SMARCA2: variants seen among roughly 807,000 people sequenced by gnomAD.
SMARCA2 encodes the protein SWI/SNF related BAF chromatin remodeling complex subunit ATPase 2.
Under a neutral mutation model 199.8 loss-of-function variants are expected in SMARCA2, and 61 were observed. The ratio of observed to expected loss-of-function variants is 0.31; its 90% confidence interval spans 0.25 to 0.38. The LOEUF is 0.38. Ranked by LOEUF, SMARCA2 falls within the 10% of genes least tolerant of loss-of-function variation. The pLI is 1.00. For missense variants in SMARCA2, 1,344 were observed against 2,012.2 expected, an observed-to-expected ratio of 0.67 and a Z score of 6.35; for synonymous variants, 935 against 732.0, an observed-to-expected ratio of 1.28 and a Z score of -4.48.
intron 27 of SMARCA2, among the ~76,000 whole-genome samples, chr9:2,152,061 G>T (rs1463438479): frequency 1.3e-5 from 2 of 152,196 alleles, no homozygotes; most frequent in Non-Finnish European, 2.9e-5. Flanking sequence ...TTGACTGCCA[G>T]TAAAGACTGG....
intron 27 of SMARCA2, among the ~76,000 whole-genome samples, chr9:2,151,814 C>A (rs1009827679): frequency 6.6e-6 from 1 of 151,906 alleles, no homozygotes; most frequent in Non-Finnish European, 1.5e-5. Flanking sequence ...ACAGTAAAGT[C>A]ATCTCAATAT....
rs547222773 is a variant in SMARCA2 at position 2,019,450 on chromosome 9, A to C, written c.-37+4046A>C. On this transcript the variant is annotated intron_variant, in intron 1 of 33. Transcript: ENST00000349721. ...AGTGGTTTTTGAGCATTTCTCGTCA[A>C]GTTTCTTGAAAAGTGCTTTGACCAA... 4.6e-5 allele frequency among the ~76,000 whole-genome samples: 7 copies of C among 151,372 alleles called. No individual in the cohort carries two copies. The East Asian group carries it at 1.4e-3, about 29-fold the overall frequency.
At chr9:2,163,234 A>G (rs1476077071) in intron 28 of SMARCA2, among the ~76,000 whole-genome samples, 1 of 152,132 alleles carries the variant, frequency 6.6e-6, no homozygotes, top group Admixed American at 6.5e-5. Flanking sequence ...TTCTTGCTCC[A>G]TTTTGCCCAC....
intron 29 of SMARCA2, among the ~76,000 whole-genome samples, chr9:2,177,188 A>C (rs960077657): frequency 6.6e-6 from 1 of 152,190 alleles, no homozygotes; most frequent in Non-Finnish European, 1.5e-5. Context: ...CACTTCACCT[A>C]CTGCCCTGCA....
At chr9:2,131,899 A>G (rs981062659) in intron 27 of SMARCA2, among the ~76,000 whole-genome samples, 2 of 149,524 alleles carry the variant, frequency 1.3e-5, no homozygotes, top group Non-Finnish European at 3.0e-5. Flanking sequence ...AGATCACACC[A>G]CTGCACTGCA....
Position 2,123,686 on chromosome 9 carries a change from G to C in SMARCA2, c.3763-33G>C. 1.3e-6 allele frequency: 2 copies of C among 1,596,348 alleles called. No individual in the cohort carries two copies. Among genetic ancestry groups the C allele is most frequent in the Non-Finnish European group, 1.7e-6 (2 of 1,165,298 alleles). On this transcript the variant is annotated intron_variant, in intron 26 of 33. Coordinates refer to ENST00000349721, the MANE Select transcript of SMARCA2 (RefSeq NM_003070.5). The surrounding 1 kb of genome is among the most constrained non-coding windows in gnomAD (Gnocchi z 4.1). ...GAAGTCTGCACCATACAGAAGCCCT[G>C]ACTTTCGGTGACCCTCTTATTAATG...
rs922113870 is a variant in SMARCA2 at position 2,169,629 on chromosome 9, G to C, written c.4200-790G>C. 1.3e-5 allele frequency among the ~76,000 whole-genome samples: 2 copies of C among 152,114 alleles called. No homozygotes were observed. Among genetic ancestry groups the C allele is most frequent in the Non-Finnish European group, 1.5e-5 (1 of 68,018 alleles). On this transcript the variant is annotated intron_variant, in intron 28 of 33. Coordinates refer to ENST00000349721, the MANE Select transcript of SMARCA2 (RefSeq NM_003070.5). The surrounding 1 kb of genome is among the most constrained non-coding windows in gnomAD (Gnocchi z 6.5). Reference sequence around the variant, plus strand: ...CGAGAAGGGATTTATACATGGACAGGCACAGGCTGTGAATCCCAAAGGGTG... The same window carrying C: ...CGAGAAGGGATTTATACATGGACAGCCACAGGCTGTGAATCCCAAAGGGTG...
intron 4 of SMARCA2, chr9:2,043,697 G>A (rs907034081): frequency 1.3e-5 from 2 of 152,142 alleles, no homozygotes; most frequent in Admixed American, 1.3e-4. Context: ...CTAAGTGGGA[G>A]CACTGAATGC....
chr9:2,171,634 A>G (rs1344382361), intron 29 of SMARCA2, among the ~76,000 whole-genome samples: 2 of 152,234 alleles, frequency 1.3e-5, no homozygotes, highest in Non-Finnish European at 2.9e-5. Context: ...CCATTATGAG[A>G]AAGAACTCAG....
At chr9:2,019,816 G>GTT (rs908642152) in intron 1 of SMARCA2, among the ~76,000 whole-genome samples, 1 of 143,506 alleles carries the variant, frequency 7.0e-6, no homozygotes. Flanking sequence ...GTGTTTTCTT[G>GTT]TTTTTTTTTT....
chr9:2,144,892 CAGAA>C (rs1337125164), intron 27 of SMARCA2, among the ~76,000 whole-genome samples: 2 of 152,014 alleles, frequency 1.3e-5, no homozygotes, highest in African/African-American at 4.8e-5. Context: ...GGTGTGTACT[CAGAA>C]AGGGTAATTG....
At chr9:2,061,095 G>C in intron 9 of SMARCA2, 109 bp downstream of exon 9, 1 of 1,075,972 alleles carries the variant, frequency 9.3e-7, no homozygotes, top group South Asian at 1.6e-5. Context: ...GGAAGGTTTA[G>C]ATGATTGAAT....
At chr9:2,071,259 G>A (rs1416042555) in intron 10 of SMARCA2, among the ~76,000 whole-genome samples, 1 of 152,202 alleles carries the variant, frequency 6.6e-6, no homozygotes, top group Non-Finnish European at 1.5e-5. Flanking sequence ...AGAAAAAAAA[G>A]ATTGAACCAC....
intron 9 of SMARCA2, among the ~76,000 whole-genome samples, chr9:2,070,183 C>T (rs144804879): frequency 1.9e-3 from 288 of 152,316 alleles, no homozygotes; most frequent in African/African-American, 6.6e-3. Flanking sequence ...ATCTACAAAT[C>T]TCTAGTGTGC....
chr9:2,186,344 A>G, intron 32 of SMARCA2, 116 bp downstream of exon 32: 1 of 1,130,772 alleles, frequency 8.8e-7, no homozygotes, highest in South Asian at 1.6e-5. Flanking sequence ...TGGAGCCCTT[A>G]TTCCACTTTG....
intron 32 of SMARCA2, among the ~76,000 whole-genome samples, chr9:2,189,159 TGGATTA>T (rs1827700188): frequency 6.6e-6 from 1 of 152,212 alleles, no homozygotes; most frequent in Non-Finnish European, 1.5e-5. Context: ...CAGAGGTTCT[TGGATTA>T]GGATATGGAC....
chr9:2,164,497 T>G (rs997457957), intron 28 of SMARCA2, among the ~76,000 whole-genome samples: 1 of 152,150 alleles, frequency 6.6e-6, no homozygotes, highest in Non-Finnish European at 1.5e-5. Flanking sequence ...TCTAGAGTCC[T>G]TATGTGTCAT....
At chr9:2,189,657 C>T (rs945593411) in intron 32 of SMARCA2, among the ~76,000 whole-genome samples, 15 of 151,954 alleles carry the variant, frequency 9.9e-5, no homozygotes, top group Admixed American at 7.9e-4. Context: ...TAAGTTACTC[C>T]ACCCAAAGCA....
At chr9:2,168,033 CTTTTT>C (rs367986975) in intron 28 of SMARCA2, among the ~76,000 whole-genome samples, 1 of 138,808 alleles carries the variant, frequency 7.2e-6, no homozygotes. Flanking sequence ...TTTTCTTTTT[CTTTTT>C]TTTTTTTTTT....
Sources: gnomAD v4.1 joint callset for allele counts (sites outside exome capture counted in the v4.1 genomes callset) on GRCh38, gnomAD v4.1.1 for gene constraint, Gnocchi (gnomAD v3.1) non-coding constraint, MANE v1.5 for transcripts, NCBI Gene and HGNC (gene_info 2026-07-23, HGNC 2026-07-21) for gene names.